The following DPF3 variants were observed in gnomAD, a reference collection of about 807,000 sequenced individuals.
DPF3 encodes double PHD fingers 3, also known as zinc finger protein DPF3.
A neutral mutation model predicts 56.8 loss-of-function variants in DPF3; 18 were observed. That is an observed-to-expected ratio of 0.32 (90% CI 0.22 to 0.47). The LOEUF (loss-of-function observed/expected upper bound fraction) is 0.47. Ranked by LOEUF, DPF3 falls within the 20% of genes least tolerant of loss-of-function variation. The probability of loss-of-function intolerance (pLI) is 1.00; values close to 1 mark genes in which losing one functional copy is unlikely to be tolerated. For missense variants in DPF3, 403 were observed against 488.8 expected (o/e 0.82, Z 1.65); for synonymous variants, 188 against 180.2 (o/e 1.04, Z -0.35).
intron 1 of DPF3, among the ~76,000 whole-genome samples, chr14:72,877,007 C>T (rs982972): frequency 0.51 from 77,561 of 152,044 alleles, 21,014 homozygotes; most frequent in East Asian, 0.74. Flanking sequence ...TCTTTCCTTC[C>T]TTTGTGCCCC....
chr14:72,705,248 G>A lies in DPF3; in HGVS notation c.604+9175C>T, dbSNP rs563240091. 2.0e-5 allele frequency among the ~76,000 whole-genome samples: 3 copies of A among 152,030 alleles called. No individual in the cohort carries two copies. In the East Asian group the frequency reaches 5.8e-4, roughly 29 times the overall value. On this transcript the variant is annotated intron_variant, in intron 6 of 10. Coordinates refer to ENST00000556509, the MANE Select transcript of DPF3 (RefSeq NM_001280542.3). ...TTCTAACAGGAGCACAAACCCTACT[G>A]CAAACTGCACATGCAAGAGATCTAG...
At chr14:72,654,327 T>C (rs777829161) in intron 8 of DPF3, among the ~76,000 whole-genome samples, 1 of 152,148 alleles carries the variant, frequency 6.6e-6, no homozygotes, top group African/African-American at 2.4e-5. Context: ...GCCTTCTATT[T>C]GTCTACCCCA....
intron 8 of DPF3, among the ~76,000 whole-genome samples, chr14:72,651,972 C>A (rs962080407): frequency 6.6e-6 from 1 of 152,188 alleles, no homozygotes; most frequent in African/African-American, 2.4e-5. Context: ...AGGATGGGTT[C>A]TCCCTGGGGC....
At position 72,771,758 on chromosome 14, in the gene DPF3, C is replaced by G; in HGVS notation, c.168G>C (p.Trp56Cys). The G allele has an allele frequency of 6.2e-7, 1 of 1,613,238 alleles. No homozygotes were observed. Among genetic ancestry groups the G allele is most frequent in the Non-Finnish European group, 8.5e-7 (1 of 1,179,528 alleles). Reference sequence around the variant, plus strand: ...CTGGGCCTCGGTGCCTCTTCTCCATCCAGATGTAGCAGTTGTTCTGGGCCA... The same window carrying G: ...CTGGGCCTCGGTGCCTCTTCTCCATGCAGATGTAGCAGTTGTTCTGGGCCA... ...TGVAQNNCYI[W>C]MEKRHRGPGL... Residue 56 changes from tryptophan (W) to cysteine (C), a missense_variant, in exon 2 of 11, where the codon TGG becomes TGC. Physicochemically the swap from Trp to Cys is radical, Grantham distance 215 (BLOSUM62 -2). This residue lies in a region of DPF3 where 340 missense variants were observed against 374.3 expected (regional missense o/e 0.91). Transcript: ENST00000556509.
chr14:72,738,868 C>T (rs1318442039), intron 3 of DPF3, among the ~76,000 whole-genome samples: 1 of 152,116 alleles, frequency 6.6e-6, no homozygotes, highest in East Asian at 1.9e-4. Flanking sequence ...TTAAACATCA[C>T]ACTGTATGCC....
intron 1 of DPF3, chr14:72,892,717 C>T: frequency 9.9e-7 from 1 of 1,005,382 alleles, no homozygotes; most frequent in Non-Finnish European, 1.2e-6. Context: ...TGAACCGCCC[C>T]CCACCCGACC....
Position 72,884,940 on chromosome 14 carries a change from C to CTATATATATATATATATATATATATATG in DPF3, c.32+9116_32+9117insCATATATATATATATATATATATATATA, listed in dbSNP as rs1886458800. On this transcript the variant is annotated intron_variant, in intron 1 of 10. Coordinates refer to ENST00000556509, the MANE Select transcript of DPF3 (RefSeq NM_001280542.3). ...TGAAACCCCGTCTCTACTAAAAATA[C>CTATATATATATATATATATATATATATG]TATATATATATATATATATATATAT... Among the ~76,000 whole-genome samples, 33 of 29,610 alleles carry CTATATATATATATATATATATATATATG rather than the reference C, an allele frequency of 1.1e-3. 3 individuals carry two copies. Among genetic ancestry groups the CTATATATATATATATATATATATATATG allele is most frequent in the Non-Finnish European group, 2.2e-3 (25 of 11,558 alleles). The allele number at this position is 29,610 out of a possible 152,430, so 19.4% of individuals were successfully genotyped here.
At chr14:72,663,166 C>CAAAGAAAAAA (rs1886294195) in intron 8 of DPF3, among the ~76,000 whole-genome samples, 1 of 88,526 alleles carries the variant, frequency 1.1e-5, no homozygotes. Flanking sequence ...TGGGTGTTAG[C>CAAAGAAAAAA]AAAAAAAAAA....
At chr14:72,863,845 C>G (rs1476477484) in intron 1 of DPF3, among the ~76,000 whole-genome samples, 1 of 152,192 alleles carries the variant, frequency 6.6e-6, no homozygotes, top group Non-Finnish European at 1.5e-5. Flanking sequence ...CTAGGGGCAG[C>G]TGTTCTGCCT....
At chr14:72,681,608 T>A (rs1164230687) in intron 7 of DPF3, among the ~76,000 whole-genome samples, 1 of 152,204 alleles carries the variant, frequency 6.6e-6, no homozygotes, top group African/African-American at 2.4e-5. Context: ...TTTTCCTCCA[T>A]CTTTATCCAA....
At chr14:72,678,369 C>A (rs996861152) in intron 7 of DPF3, among the ~76,000 whole-genome samples, 1 of 152,114 alleles carries the variant, frequency 6.6e-6, no homozygotes, top group Non-Finnish European at 1.5e-5. Flanking sequence ...TTATTGAGAC[C>A]GGCCTGATAA....
At chr14:72,702,499 C>T (rs1297341383) in intron 6 of DPF3, among the ~76,000 whole-genome samples, 1 of 152,156 alleles carries the variant, frequency 6.6e-6, no homozygotes, top group Non-Finnish European at 1.5e-5. Context: ...AATTCCCTTC[C>T]ATCCAGCCCT....
chr14:72,863,100 A>ATGTGTG (rs1555514174), intron 1 of DPF3, among the ~76,000 whole-genome samples: 5 of 110,602 alleles, frequency 4.5e-5, no homozygotes, highest in African/African-American at 1.8e-4. Flanking sequence ...ATATATATAT[A>ATGTGTG]TGTGTGTGTA....
intron 7 of DPF3, among the ~76,000 whole-genome samples, chr14:72,692,829 C>CA (rs1018407809): frequency 6.6e-6 from 1 of 152,134 alleles, no homozygotes; most frequent in African/African-American, 2.4e-5. Context: ...GCTTAACACT[C>CA]ACCTTCCTTC....
intron 6 of DPF3, among the ~76,000 whole-genome samples, chr14:72,711,948 T>C (rs1818931927): frequency 6.6e-6 from 1 of 151,778 alleles, no homozygotes; most frequent in Non-Finnish European, 1.5e-5. Context: ...CCTTGTGACC[T>C]CTCCAAAGGT....
chr14:72,826,220 A>C (rs535273803), intron 1 of DPF3, among the ~76,000 whole-genome samples: 7 of 152,384 alleles, frequency 4.6e-5, no homozygotes, highest in African/African-American at 1.7e-4. Flanking sequence ...AATTTTCCTT[A>C]TCTCTCTAAG....
At chr14:72,703,144 G>A (rs1396073017) in intron 6 of DPF3, among the ~76,000 whole-genome samples, 1 of 152,186 alleles carries the variant, frequency 6.6e-6, no homozygotes, top group Non-Finnish European at 1.5e-5. Context: ...GGCTCCCAGA[G>A]GCTGGCTACA....
At chr14:72,808,509 C>T (rs937017111) in intron 1 of DPF3, among the ~76,000 whole-genome samples, 1 of 152,180 alleles carries the variant, frequency 6.6e-6, no homozygotes, top group Non-Finnish European at 1.5e-5. Context: ...ACTACCTCAG[C>T]TTGCAGGACG....
chr14:72,792,258 C>T (rs1461032179), intron 1 of DPF3, among the ~76,000 whole-genome samples: 1 of 152,136 alleles, frequency 6.6e-6, no homozygotes, highest in South Asian at 2.1e-4. Context: ...AGGGGAGGGA[C>T]AGGGTGACAC....
Sources: gnomAD v4.1 joint callset for allele counts (sites outside exome capture counted in the v4.1 genomes callset) on GRCh38, gnomAD v4.1.1 for gene constraint, gnomAD v4.1.1 regional missense constraint, MANE v1.5 for transcripts, NCBI Gene and HGNC (gene_info 2026-07-23, HGNC 2026-07-21) for gene names.